The following TLN2 variants were observed in gnomAD, a reference collection of about 807,000 sequenced individuals.
TLN2 encodes talin-2.
TLN2 carries 118 observed loss-of-function variants against 294.7 expected under a neutral mutation model. The ratio of observed to expected loss-of-function variants is 0.40; its 90% CI spans 0.34 to 0.47. TLN2 has a LOEUF of 0.47. TLN2 is among the 20% of genes least tolerant of loss of function. TLN2 has a pLI of 0.84. For missense variants in TLN2, 3,083 were observed against 3,282.2 expected (o/e 0.94, Z 1.48); for synonymous variants, 1,431 against 1,304.5 (o/e 1.10, Z -2.09).
chr15:62,704,408 G>A (rs2058925395), intron 19 of TLN2, among the ~76,000 whole-genome samples: 1 of 152,138 alleles, frequency 6.6e-6, no homozygotes, highest in Non-Finnish European at 1.5e-5. Context: ...CTTCATGGGT[G>A]GCAATTTTGC....
intron 1 of TLN2, among the ~76,000 whole-genome samples, chr15:62,562,999 T>C (rs2043105289): frequency 6.7e-6 from 1 of 150,074 alleles, no homozygotes; most frequent in Admixed American, 6.7e-5. Context: ...CGTTGATTGA[T>C]GGGCATTTGG....
At chr15:62,617,701 ATGG>A in intron 2 of TLN2, among the ~76,000 whole-genome samples, 1 of 152,300 alleles carries the variant, frequency 6.6e-6, no homozygotes, top group East Asian at 1.9e-4. Flanking sequence ...GCTACACTGA[ATGG>A]CTCTCTTTTG....
intron 1 of TLN2, among the ~76,000 whole-genome samples, chr15:62,437,771 G>GTGTGTC (rs1555407267): frequency 1.3e-5 from 2 of 151,868 alleles, no homozygotes; most frequent in Non-Finnish European, 1.5e-5. Flanking sequence ...GTGTGTGTGT[G>GTGTGTC]TGTCTGTCTG....
intron 1 of TLN2, among the ~76,000 whole-genome samples, chr15:62,586,773 A>G (rs1469410430): frequency 6.6e-6 from 1 of 152,226 alleles, no homozygotes; most frequent in Non-Finnish European, 1.5e-5. Flanking sequence ...CTTCTTCAGA[A>G]AATCTCTTCA....
chr15:62,653,089 C>T, intron 6 of TLN2, 73 bp from the exon 7 acceptor site: 2 of 1,309,660 alleles, frequency 1.5e-6, no homozygotes, highest in Non-Finnish European at 2.0e-6. Flanking sequence ...CTTGGAATAT[C>T]ACAGGCCTTA....
intron 3 of TLN2, among the ~76,000 whole-genome samples, chr15:62,626,823 G>A (rs1208935091): frequency 2.0e-5 from 3 of 152,214 alleles, no homozygotes; most frequent in Admixed American, 6.5e-5. Context: ...GTCTACTGGT[G>A]TGAGGTTGAC....
chr15:62,702,158 G>C lies in TLN2; in HGVS notation c.1863G>C (p.Ala621=). 2 of 1,611,448 alleles carry C rather than the reference G, an allele frequency of 1.2e-6. No homozygotes were observed. Among genetic ancestry groups the C allele is most frequent in the African/African-American group, 1.3e-5 (1 of 75,022 alleles). The part of the protein sequence containing the change: ...LLRAARTLAG[A]VSDLLKAVQP... ...GAGCTGCCAGGACCCTCGCTGGGGC[G>C]GTGTCAGACTTGCTGAAAGCTGTGC... Residue 621 remains alanine (A), a synonymous_variant, in exon 18 of 59, where the codon GCG becomes GCC. Coordinates refer to ENST00000636159, the MANE Select transcript of TLN2 (RefSeq NM_015059.3).
At chr15:62,588,474 A>G (rs995385578) in intron 1 of TLN2, among the ~76,000 whole-genome samples, 2 of 151,118 alleles carry the variant, frequency 1.3e-5, no homozygotes, top group Admixed American at 6.6e-5. Flanking sequence ...CGTCTCTACT[A>G]AAAATACAAA....
chr15:62,594,780 C>T (rs980756900), intron 2 of TLN2, among the ~76,000 whole-genome samples: 1 of 152,128 alleles, frequency 6.6e-6, no homozygotes, highest in Non-Finnish European at 1.5e-5. Context: ...CACAAAAGTG[C>T]AGGCAATGAA....
chr15:62,456,381 G>T (rs1031428188), intron 1 of TLN2, among the ~76,000 whole-genome samples: 14 of 152,182 alleles, frequency 9.2e-5, no homozygotes, highest in African/African-American at 3.1e-4. Context: ...GGAAGGTGGA[G>T]GTGCTCTTGA....
At chr15:62,406,046 C>T (rs1010853840) in intron 1 of TLN2, among the ~76,000 whole-genome samples, 1 of 152,076 alleles carries the variant, frequency 6.6e-6, no homozygotes, top group Admixed American at 6.5e-5. Flanking sequence ...ATCAGGTGGC[C>T]GTATGCCTAA....
chr15:62,833,418 C>T (rs753410383), intron 54 of TLN2, 86 bp from the exon 55 acceptor site: 16 of 1,545,290 alleles, frequency 1.0e-5, no homozygotes, highest in Non-Finnish European at 1.3e-5. Flanking sequence ...AGGTGAAGAG[C>T]CAGGTGACCC....
chr15:62,685,941 A>G (rs1298650220), intron 11 of TLN2, among the ~76,000 whole-genome samples: 4 of 152,142 alleles, frequency 2.6e-5, no homozygotes, highest in African/African-American at 9.7e-5. Flanking sequence ...TTCTTAGGAA[A>G]TCATTTGTCA....
At chr15:62,476,021 G>C (rs2037764657) in intron 1 of TLN2, among the ~76,000 whole-genome samples, 1 of 152,206 alleles carries the variant, frequency 6.6e-6, no homozygotes, top group African/African-American at 2.4e-5. Context: ...TCTGTGAAAA[G>C]AGGGGCTTAG....
At chr15:62,560,357 C>T (rs905606590) in intron 1 of TLN2, among the ~76,000 whole-genome samples, 4 of 152,168 alleles carry the variant, frequency 2.6e-5, no homozygotes, top group African/African-American at 9.7e-5. Context: ...TCTGCTGCCT[C>T]AGCCTCCCAA....
intron 1 of TLN2, among the ~76,000 whole-genome samples, chr15:62,560,453 C>T (rs1002619978): frequency 2.0e-5 from 3 of 152,092 alleles, no homozygotes; most frequent in Non-Finnish European, 4.4e-5. Flanking sequence ...AGTGGGCCCG[C>T]CTAGCTGGGA....
chr15:62,793,546 T>C (rs934046066), intron 46 of TLN2, among the ~76,000 whole-genome samples: 1 of 152,198 alleles, frequency 6.6e-6, no homozygotes, highest in African/African-American at 2.4e-5. Context: ...ACACATGTAA[T>C]AAATCTAGCT....
intron 1 of TLN2, among the ~76,000 whole-genome samples, chr15:62,538,563 G>T (rs1443416667): frequency 1.3e-5 from 2 of 152,174 alleles, no homozygotes; most frequent in Non-Finnish European, 2.9e-5. Flanking sequence ...TGTCCCTGTT[G>T]TGTAGGCTCT....
chr15:62,485,020 G>A (rs1461275562), intron 1 of TLN2, among the ~76,000 whole-genome samples: 1 of 152,056 alleles, frequency 6.6e-6, no homozygotes, highest in East Asian at 1.9e-4. Flanking sequence ...AGCTTCTAGC[G>A]GCAGCCTGCA....
Sources: allele counts gnomAD v4.1 joint callset (sites outside exome capture counted in the v4.1 genomes callset), GRCh38; gene constraint gnomAD v4.1.1; transcripts MANE v1.5; gene names NCBI Gene and HGNC (gene_info 2026-07-23, HGNC 2026-07-21).